Variants in MPPED1 observed in about 807,000 individuals in gnomAD.
MPPED1 encodes the protein metallophosphoesterase domain-containing protein 1.
MPPED1 carries 16 observed loss-of-function variants against 36.2 expected under a neutral mutation model. The observed-to-expected ratio is 0.44, with a 90% CI of 0.30 to 0.67. The LOEUF (loss-of-function observed/expected upper bound fraction) is 0.67, where lower values mean the gene tolerates loss of function less well. Ranked by LOEUF, MPPED1 falls within the 30% of genes least tolerant of loss-of-function variation. The pLI is 0.10. For synonymous variants in MPPED1, 199 were observed against 191.3 expected (o/e 1.04, Z -0.33); for missense variants, 307 against 453.4 (o/e 0.68, Z 2.93).
rs1476525270 is a variant in MPPED1 at position 43,424,943 on chromosome 22, T to C, written c.-43T>C. The C allele has an allele frequency of 1.3e-6, 2 of 1,546,234 alleles. No homozygotes were observed. The highest frequency in any genetic ancestry group is 1.7e-6 in the Non-Finnish European group (2 of 1,147,388). The stretch of plus-strand genomic sequence containing the variant: ...GGTCTGGCGGGGGGCCGGGCTGCGG[T>C]GGCGGCAGCGGTGGGAGATGCCGGG... On this transcript the variant is annotated 5_prime_UTR_variant, in exon 2 of 7. Transcript: ENST00000443721.
intron 1 of MPPED1, chr22:43,418,379 C>T (rs1182794317): frequency 2.9e-6 from 1 of 343,274 alleles, no homozygotes; most frequent in Admixed American, 3.9e-5. Flanking sequence ...TAGTGCAATC[C>T]TCCAAGATCT....
At chr22:43,466,448 TG>T (rs1321687111) in intron 3 of MPPED1, among the ~76,000 whole-genome samples, 1 of 152,210 alleles carries the variant, frequency 6.6e-6, no homozygotes, top group Non-Finnish European at 1.5e-5. Flanking sequence ...CTCACATTTC[TG>T]GGCTGTGCTA....
intron 4 of MPPED1, among the ~76,000 whole-genome samples, chr22:43,475,177 A>T (rs1396033651): frequency 6.6e-6 from 1 of 152,000 alleles, no homozygotes; most frequent in Non-Finnish European, 1.5e-5. Context: ...ATCAGCTGTA[A>T]CCTGTGTTAT....
At chr22:43,479,132 T>G (rs1931668987) in intron 4 of MPPED1, among the ~76,000 whole-genome samples, 1 of 152,160 alleles carries the variant, frequency 6.6e-6, no homozygotes, top group African/African-American at 2.4e-5. Flanking sequence ...TCCACTCCCC[T>G]GGCGCCGGCC....
rs531668903 is a variant in MPPED1 at position 43,491,119 on chromosome 22, T to A, written c.633-7116T>A. 6.6e-5 allele frequency among the ~76,000 whole-genome samples: 10 copies of A among 152,306 alleles called. No individual in the cohort carries two copies. In the East Asian group the frequency reaches 7.7e-4, roughly 12 times the overall value. ...GAGCTGATGTTTTCTATTCTTTTTT[T>A]AAAAAAATGCTGTTGCCATTCATCA... On this transcript the variant is annotated intron_variant, in intron 4 of 6. Coordinates refer to ENST00000443721, the MANE Select transcript of MPPED1 (RefSeq NM_001044370.2).
At chr22:43,442,563 G>A (rs577892848) in intron 3 of MPPED1, among the ~76,000 whole-genome samples, 35 of 152,310 alleles carry the variant, frequency 2.3e-4, no homozygotes, top group African/African-American at 8.4e-4. Context: ...CATGGAGGGT[G>A]CGGTCGGGTG....
intron 5 of MPPED1, among the ~76,000 whole-genome samples, chr22:43,498,676 T>C (rs1389025252): frequency 6.6e-6 from 1 of 152,046 alleles, no homozygotes; most frequent in African/African-American, 2.4e-5. Context: ...ACCAGAGCCC[T>C]GCACAGGGCT....
At chr22:43,439,915 A>G (rs1305592853) in intron 3 of MPPED1, among the ~76,000 whole-genome samples, 1 of 151,728 alleles carries the variant, frequency 6.6e-6, no homozygotes, top group Non-Finnish European at 1.5e-5. Flanking sequence ...GCCTCCCCCA[A>G]CCCCGCTGGG....
intron 3 of MPPED1, among the ~76,000 whole-genome samples, chr22:43,451,121 G>C (rs6003205): frequency 0.94 from 142,863 of 151,470 alleles, 67,427 homozygotes; most frequent in East Asian, 1. Context: ...ATCCTCCTGC[G>C]TCAGCCTCCT....
At chr22:43,434,105 G>T (rs1313149786) in intron 2 of MPPED1, among the ~76,000 whole-genome samples, 1 of 152,224 alleles carries the variant, frequency 6.6e-6, no homozygotes, top group Non-Finnish European at 1.5e-5. Context: ...TGGCATCCTC[G>T]TCTGTCAAAC....
chr22:43,418,647 G>T, intron 1 of MPPED1: 1 of 162,522 alleles, frequency 6.2e-6, no homozygotes, highest in Non-Finnish European at 1.4e-5. Flanking sequence ...CCGGGTCTGA[G>T]CCCTTGGAGG....
In MPPED1 at chr22:43,435,183, C is replaced by T. The variant is rs749571377; in HGVS notation, c.374C>T (p.Pro125Leu). Residue 125 changes from proline (P) to leucine (L), a missense_variant, in exon 3 of 7, where the codon CCG (proline) becomes CTG (leucine). Transcript: ENST00000443721. ...GGGGACTTCACTGAGCTGGGGCTCC[C>T]GAGCGAGGTGAAGAAGTTCAACGAG... ...HAGDFTELGL[P>L]SEVKKFNEWL... 8 of 1,611,664 alleles carry T rather than the reference C, an allele frequency of 5.0e-6. No homozygotes were observed. The highest frequency in any genetic ancestry group is 3.3e-5 in the South Asian group (3 of 91,088).
chr22:43,495,971 ATGG>A (rs1321846401), intron 4 of MPPED1, among the ~76,000 whole-genome samples: 1 of 16,082 alleles, frequency 6.2e-5, no homozygotes, highest in Non-Finnish European at 1.3e-4. Flanking sequence ...GGTGGTGGAG[ATGG>A]TGGTGGTGGA....
intron 3 of MPPED1, among the ~76,000 whole-genome samples, chr22:43,458,100 T>C (rs1930817971): frequency 6.6e-6 from 1 of 152,196 alleles, no homozygotes; most frequent in Admixed American, 6.5e-5. Context: ...CTTTGGTATG[T>C]AGTAGGCTGT....
chr22:43,473,068 C>T (rs1472646915), intron 3 of MPPED1, among the ~76,000 whole-genome samples: 2 of 152,192 alleles, frequency 1.3e-5, no homozygotes, highest in African/African-American at 2.4e-5. Flanking sequence ...GAAAAACAAT[C>T]CTTAGTATTT....
In MPPED1 at chr22:43,439,022, A is replaced by G. The variant is rs181682464; in HGVS notation, c.406+3807A>G. ...ATCATATTCTGGGAGCCACCTCCAG[A>G]CAGACAGGAAGAGATTTAAAAAATT... On this transcript the variant is annotated intron_variant, in intron 3 of 6. Transcript: ENST00000443721. Among the ~76,000 whole-genome samples, 7 of 152,340 alleles carry G rather than the reference A, an allele frequency of 4.6e-5. No individual in the cohort carries two copies. The South Asian group carries it at 6.2e-4, about 14-fold the overall frequency.
At chr22:43,497,929 G>GTATATATATATATATA (rs746068497) in intron 4 of MPPED1, among the ~76,000 whole-genome samples, 508 of 48,680 alleles carry the variant, frequency 0.01, 24 homozygotes, top group African/African-American at 0.03. Flanking sequence ...ATATATATAT[G>GTATATATATATATATA]TATATGTATA....
chr22:43,434,786 C>A (rs2146833786), intron 2 of MPPED1, among the ~76,000 whole-genome samples: 1 of 152,352 alleles, frequency 6.6e-6, no homozygotes, highest in Admixed American at 6.5e-5. Context: ...CCCAACCCGA[C>A]GTTTCCATGT....
chr22:43,458,157 A>G (rs1037793390), intron 3 of MPPED1, among the ~76,000 whole-genome samples: 37 of 152,234 alleles, frequency 2.4e-4, no homozygotes, highest in African/African-American at 8.9e-4. Context: ...TACAATATCA[A>G]AATCACCTAA....
Sources: gnomAD v4.1 joint callset for allele counts (sites outside exome capture counted in the v4.1 genomes callset) on GRCh38, gnomAD v4.1.1 for gene constraint, MANE v1.5 for transcripts, NCBI Gene and HGNC (gene_info 2026-07-23, HGNC 2026-07-21) for gene names.